The following NUP160 variants were observed in gnomAD, a reference collection of about 807,000 sequenced individuals.
The protein encoded by NUP160 is nuclear pore complex protein Nup160.
Under a neutral mutation model 196.9 loss-of-function variants are expected in NUP160, and 94 were observed. The observed-to-expected ratio is 0.48, with a 90% CI of 0.40 to 0.57. The LOEUF is 0.57. Ranked by LOEUF, NUP160 falls within the 20% of genes least tolerant of loss-of-function variation. The pLI, the probability that NUP160 is intolerant of heterozygous loss-of-function variation, is 0.00. For missense variants in NUP160, 1,638 were observed against 1,748.3 expected (o/e 0.94, Z 1.13); for synonymous variants, 605 against 619.7 (o/e 0.98, Z 0.35).
At chr11:47,807,006 A>C in intron 19 of NUP160, 64 bp downstream of exon 19, 2 of 1,211,180 alleles carry the variant, frequency 1.7e-6, no homozygotes, top group South Asian at 2.5e-5. Context: ...GCAAAAGACC[A>C]CTTTAATGAA....
At chr11:47,796,577 C>T (rs1419786702) in intron 27 of NUP160, among the ~76,000 whole-genome samples, 1 of 151,988 alleles carries the variant, frequency 6.6e-6, no homozygotes, top group Non-Finnish European at 1.5e-5. Flanking sequence ...AAAATATTAA[C>T]AGTTGGGGAA....
intron 30 of NUP160, 68 bp from the exon 31 acceptor site, chr11:47,788,373 T>G: frequency 6.2e-7 from 1 of 1,600,330 alleles, no homozygotes; most frequent in South Asian, 1.1e-5. Flanking sequence ...AGATTTTGTT[T>G]TGTTGATGAG....
intron 7 of NUP160, among the ~76,000 whole-genome samples, chr11:47,834,219 C>A (rs1455377630): frequency 6.6e-6 from 1 of 151,962 alleles, no homozygotes; most frequent in Non-Finnish European, 1.5e-5. Context: ...GTCCCGAGAC[C>A]AAAAGTTTGA....
At chr11:47,826,569 C>CA (rs1276405687) in intron 7 of NUP160, among the ~76,000 whole-genome samples, 2 of 150,730 alleles carry the variant, frequency 1.3e-5, no homozygotes, top group African/African-American at 4.9e-5. Context: ...ATCCCCCCCC[C>CA]CTTTTTTTTT....
intron 17 of NUP160, 78 bp downstream of exon 17, chr11:47,811,986 C>A (rs1472410913): frequency 6.0e-6 from 8 of 1,335,678 alleles, no homozygotes; most frequent in African/African-American, 1.5e-5. Flanking sequence ...GCTAGTAGGG[C>A]TGACATTTTG....
chr11:47,790,806 C>T (rs1482064358), intron 29 of NUP160, among the ~76,000 whole-genome samples: 1 of 152,154 alleles, frequency 6.6e-6, no homozygotes, highest in Non-Finnish European at 1.5e-5. Flanking sequence ...CAGTGATTTT[C>T]CTTAATGGTG....
At chr11:47,808,020 C>T (rs193258668) in intron 18 of NUP160, among the ~76,000 whole-genome samples, 19 of 152,238 alleles carry the variant, frequency 1.2e-4, no homozygotes, top group African/African-American at 4.3e-4. Flanking sequence ...TGGTGGCCCA[C>T]GCCTGTAATC....
chr11:47,782,943 G>A (rs2097662341), intron 34 of NUP160, 130 bp downstream of exon 34: 3 of 797,916 alleles, frequency 3.8e-6, no homozygotes, highest in Non-Finnish European at 6.0e-6. Flanking sequence ...ATAGGCATGA[G>A]TCACTGTGCC....
intron 1 of NUP160, 52 bp downstream of exon 1, chr11:47,848,167 G>C: frequency 6.3e-7 from 1 of 1,591,876 alleles, no homozygotes; most frequent in Non-Finnish European, 8.6e-7. Flanking sequence ...GGACCCATGA[G>C]AGGAGCCCGA....
chr11:47,809,256 C>CAAAAAA (rs35748617), intron 17 of NUP160, among the ~76,000 whole-genome samples: 11 of 94,702 alleles, frequency 1.2e-4, no homozygotes, highest in East Asian at 3.1e-4. Context: ...GAACTTGTCT[C>CAAAAAA]AAAAAAAAAA....
intron 7 of NUP160, among the ~76,000 whole-genome samples, chr11:47,828,601 T>C (rs1248065261): frequency 1.3e-5 from 2 of 149,086 alleles, no homozygotes; most frequent in Non-Finnish European, 3.0e-5. Context: ...AAAACTCATA[T>C]GGAATTGAAT....
intron 34 of NUP160, 92 bp from the exon 35 acceptor site, chr11:47,780,539 C>CT: frequency 1.6e-6 from 1 of 636,278 alleles, no homozygotes; most frequent in Non-Finnish European, 2.5e-6. Context: ...AATAAAATAC[C>CT]CTTTTTTTTT....
chr11:47,832,003 A>G (rs1395632858), intron 7 of NUP160, among the ~76,000 whole-genome samples: 1 of 146,312 alleles, frequency 6.8e-6, no homozygotes, highest in Non-Finnish European at 1.5e-5. Context: ...CCAGGTTCAA[A>G]CCATTCTCCT....
At chr11:47,823,951 C>T (rs1316896871) in intron 7 of NUP160, among the ~76,000 whole-genome samples, 1 of 144,678 alleles carries the variant, frequency 6.9e-6, no homozygotes, top group Non-Finnish European at 1.5e-5. Context: ...GTGAGTAATG[C>T]TACTATGTAT....
At chr11:47,810,235 T>C (rs1056479951) in intron 17 of NUP160, among the ~76,000 whole-genome samples, 3 of 152,020 alleles carry the variant, frequency 2.0e-5, no homozygotes, top group Non-Finnish European at 2.9e-5. Context: ...TCTCACTCTG[T>C]CATGCAGGCA....
At chr11:47,794,645 G>A (rs1159594031) in intron 27 of NUP160, among the ~76,000 whole-genome samples, 1 of 152,074 alleles carries the variant, frequency 6.6e-6, no homozygotes, top group Non-Finnish European at 1.5e-5. Context: ...GGTGACTCAT[G>A]CCTGTAATCC....
chr11:47,829,607 G>A (rs562585188), intron 7 of NUP160, among the ~76,000 whole-genome samples: 2 of 152,102 alleles, frequency 1.3e-5, no homozygotes, highest in Non-Finnish European at 2.9e-5. Context: ...GCACTGGCCT[G>A]TTTACAGAAT....
Position 47,788,242 on chromosome 11 carries a change from A to G in NUP160, c.3686T>C (p.Ile1229Thr), listed in dbSNP as rs761440602. ...AAGCTTAAAAGTCTGACAGAGTGAT[A>G]TGGCAGTGTCAAAGAGGCCCGCCTG... Residue 1229 changes from isoleucine (I) to threonine (T), a missense_variant, in exon 31 of 36, where the codon ATA becomes ACA. Ile to Thr is a moderately conservative substitution (Grantham distance 89). This residue lies in a region of NUP160 where 1,345 missense variants were observed against 1,470.2 expected (regional missense o/e 0.91). Transcript: ENST00000378460. 2.0e-5 allele frequency: 32 copies of G among 1,613,718 alleles called. No homozygotes were observed. The highest frequency in any genetic ancestry group is 6.7e-5 in the Admixed American group (4 of 60,006).
chr11:47,830,886 G>A (rs1193550930), intron 7 of NUP160, among the ~76,000 whole-genome samples: 5 of 151,980 alleles, frequency 3.3e-5, no homozygotes, highest in East Asian at 1.9e-4. Context: ...AAGAGCAGCC[G>A]AGCGTGGTGG....
Sources: allele counts gnomAD v4.1 joint callset (sites outside exome capture counted in the v4.1 genomes callset), GRCh38; gene constraint gnomAD v4.1.1; regional missense constraint gnomAD v4.1.1; transcripts MANE v1.5; gene names NCBI Gene and HGNC (gene_info 2026-07-23, HGNC 2026-07-21).